CCDC170: variants seen among roughly 807,000 people sequenced by gnomAD.
CCDC170 encodes the protein coiled-coil domain-containing protein 170.
A neutral mutation model predicts 72.6 loss-of-function variants in CCDC170; 69 were observed. The ratio of observed to expected loss-of-function variants is 0.95; its 90% CI spans 0.78 to 1.16. The LOEUF (loss-of-function observed/expected upper bound fraction) is 1.16, where lower values mean the gene tolerates loss of function less well. CCDC170 is among the 50% of genes most tolerant of loss of function. The pLI is 0.00. For missense variants in CCDC170, 852 were observed against 832.5 expected (o/e 1.02, Z -0.29); for synonymous variants, 300 against 303.9 (o/e 0.99, Z 0.13).
At chr6:151,605,532 A>G (rs995709060) in intron 9 of CCDC170, among the ~76,000 whole-genome samples, 1 of 152,108 alleles carries the variant, frequency 6.6e-6, no homozygotes, top group Non-Finnish European at 1.5e-5. Context: ...CCCTTCAGGC[A>G]CTCAAAGTAG....
chr6:151,538,471 A>G (rs904285723), intron 3 of CCDC170, among the ~76,000 whole-genome samples, 170 bp downstream of exon 3: 2 of 152,244 alleles, frequency 1.3e-5, no homozygotes, highest in African/African-American at 4.8e-5. Context: ...AAATTTTTCC[A>G]AGGCTCATTT....
At chr6:151,574,347 G>A (rs184665324) in intron 6 of CCDC170, among the ~76,000 whole-genome samples, 254 of 152,344 alleles carry the variant, frequency 1.7e-3, no homozygotes, top group Non-Finnish European at 3.0e-3. Flanking sequence ...CGTCTCTGCT[G>A]TACATTCACT....
At chr6:151,571,643 C>T (rs1776220477) in intron 5 of CCDC170, among the ~76,000 whole-genome samples, 1 of 152,096 alleles carries the variant, frequency 6.6e-6, no homozygotes, top group Non-Finnish European at 1.5e-5. Flanking sequence ...AGGAGAATCA[C>T]TTGAACCCAG....
intron 9 of CCDC170, among the ~76,000 whole-genome samples, chr6:151,612,943 G>A (rs894709778): frequency 3.7e-5 from 4 of 106,728 alleles, no homozygotes; most frequent in Non-Finnish European, 7.6e-5. Context: ...ATTCAGAGCT[G>A]TACTGGTCTT....
At chr6:151,502,970 C>T (rs1251713508) in intron 1 of CCDC170, among the ~76,000 whole-genome samples, 3 of 151,978 alleles carry the variant, frequency 2.0e-5, no homozygotes, top group Non-Finnish European at 2.9e-5. Flanking sequence ...GAGATGGAGA[C>T]CATCCTGGCC....
intron 2 of CCDC170, among the ~76,000 whole-genome samples, chr6:151,536,773 C>CAAAAAAAAAAAAAA (rs55663799): frequency 1.5e-4 from 12 of 79,256 alleles, no homozygotes; most frequent in Non-Finnish European, 2.7e-4. Context: ...GACTCCATCT[C>CAAAAAAAAAAAAAA]AAAAAAAAAA....
At chr6:151,602,352 CTTA>C (rs1776721894) in intron 9 of CCDC170, among the ~76,000 whole-genome samples, 1 of 151,992 alleles carries the variant, frequency 6.6e-6, no homozygotes, top group African/African-American at 2.4e-5. Context: ...ATTTCTTAAT[CTTA>C]TTATGTTTCT....
intron 6 of CCDC170, among the ~76,000 whole-genome samples, chr6:151,578,665 G>A (rs1776337451): frequency 6.6e-6 from 1 of 152,170 alleles, no homozygotes; most frequent in African/African-American, 2.4e-5. Flanking sequence ...AAGTTGAGAT[G>A]AACAGAGGAG....
chr6:151,521,229 T>G (rs916220859), intron 1 of CCDC170, among the ~76,000 whole-genome samples: 5 of 152,132 alleles, frequency 3.3e-5, no homozygotes, highest in Non-Finnish European at 7.3e-5. Context: ...AGACAGTGGG[T>G]TCCATCTTTT....
chr6:151,610,625 T>C (rs547980047), intron 9 of CCDC170, among the ~76,000 whole-genome samples: 6 of 152,338 alleles, frequency 3.9e-5, no homozygotes, highest in Admixed American at 6.5e-5. Context: ...GATATTAACA[T>C]TGAGACAATG....
intron 6 of CCDC170, among the ~76,000 whole-genome samples, 186 bp downstream of exon 6, chr6:151,573,677 G>A (rs539266666): frequency 2.4e-4 from 37 of 152,326 alleles, no homozygotes; most frequent in African/African-American, 8.7e-4. Context: ...TCACAATCAT[G>A]GCAGAAAGCA....
chr6:151,559,593 G>T (rs968927595), intron 5 of CCDC170, among the ~76,000 whole-genome samples: 2 of 152,098 alleles, frequency 1.3e-5, no homozygotes, highest in African/African-American at 4.8e-5. Context: ...TAAGCTTTAA[G>T]AGTTTTTTTG....
In CCDC170 at chr6:151,618,403, G is replaced by T; in HGVS notation, c.*256G>T. ...TCCACCAGATTGCATGAGTTAGATT[G>T]GGAAATGGGAGTGGGAGATAATATT... On this transcript the variant is annotated 3_prime_UTR_variant, in exon 11 of 11. Coordinates refer to ENST00000239374, the MANE Select transcript of CCDC170 (RefSeq NM_025059.4). 2.1e-6 allele frequency: 1 copy of T among 469,080 alleles called. No homozygotes were observed. The highest frequency in any genetic ancestry group is 3.8e-6 in the Non-Finnish European group (1 of 263,178). The allele number at this position is 469,080 out of a possible 1,614,324, so 29.1% of individuals were successfully genotyped here. A position where few individuals can be genotyped will look rare whatever the true frequency, so the allele number is the denominator to read the frequency against.
At position 151,502,590 on chromosome 6, in the gene CCDC170, C is replaced by T. The variant is rs116822169; in HGVS notation, c.57+8405C>T. Among the ~76,000 whole-genome samples, 1,277 of 152,284 alleles carry T rather than the reference C, an allele frequency of 8.4e-3. 14 individuals carry two copies. The highest frequency in any genetic ancestry group is 0.03 in the African/African-American group (1,231 of 41,560). On this transcript the variant is annotated intron_variant, in intron 1 of 10. Coordinates refer to ENST00000239374, the MANE Select transcript of CCDC170 (RefSeq NM_025059.4). ...CCATTTCCCTAAGTCTTTTCTACTT[C>T]AGACTAAAAGAAATGGATAGTTGAA...
chr6:151,565,784 G>A (rs895693318), intron 5 of CCDC170, among the ~76,000 whole-genome samples: 11 of 151,974 alleles, frequency 7.2e-5, no homozygotes, highest in Non-Finnish European at 1.2e-4. Context: ...ATTCTATTCT[G>A]TACATGTAAC....
At chr6:151,557,061 T>C (rs965153786) in intron 5 of CCDC170, among the ~76,000 whole-genome samples, 1 of 152,146 alleles carries the variant, frequency 6.6e-6, no homozygotes, top group Non-Finnish European at 1.5e-5. Context: ...AATTACATGA[T>C]TTCATTTTTT....
chr6:151,536,273 T>C, intron 1 of CCDC170, 45 bp from the exon 2 acceptor site: 1 of 1,605,030 alleles, frequency 6.2e-7, no homozygotes, highest in Non-Finnish European at 8.5e-7. Context: ...AAAAGATCGT[T>C]TAACACTCTT....
intron 1 of CCDC170, among the ~76,000 whole-genome samples, chr6:151,522,992 C>T (rs770033066): frequency 1.8e-4 from 27 of 152,110 alleles, no homozygotes; most frequent in Admixed American, 2.0e-4. Context: ...GCACAAGATC[C>T]AAGAACCCTC....
At chr6:151,556,221 T>C (rs916741188) in intron 5 of CCDC170, among the ~76,000 whole-genome samples, 2 of 152,366 alleles carry the variant, frequency 1.3e-5, no homozygotes, top group African/African-American at 4.8e-5. Context: ...TTTGGGAGGC[T>C]GAGGCAGGCA....
Sources: gnomAD v4.1 joint callset for allele counts (sites outside exome capture counted in the v4.1 genomes callset) on GRCh38, gnomAD v4.1.1 for gene constraint, MANE v1.5 for transcripts, NCBI Gene and HGNC (gene_info 2026-07-23, HGNC 2026-07-21) for gene names.